The following GPC6 variants were observed in gnomAD, a reference collection of about 807,000 sequenced individuals.
GPC6 encodes the protein glypican 6.
GPC6 carries 14 observed loss-of-function variants against 55.2 expected under a neutral mutation model. That is an observed-to-expected ratio of 0.25 (90% CI 0.17 to 0.40). The LOEUF is 0.40. Among genes scored for constraint, GPC6 ranks in the 10% least tolerant of loss-of-function variants. GPC6 has a pLI of 1.00. For synonymous variants in GPC6, 278 were observed against 259.6 expected, an observed-to-expected ratio of 1.07 and a Z score of -0.68; for missense variants, 641 against 708.5, an observed-to-expected ratio of 0.90 and a Z score of 1.08.
intron 2 of GPC6, among the ~76,000 whole-genome samples, chr13:93,596,762 G>A (rs1877762178): frequency 6.8e-6 from 1 of 148,036 alleles, no homozygotes; most frequent in Non-Finnish European, 1.5e-5. Context: ...ATATGTATAT[G>A]TGTATATATA....
At chr13:93,738,625 A>G (rs909618664) in intron 2 of GPC6, among the ~76,000 whole-genome samples, 1 of 152,182 alleles carries the variant, frequency 6.6e-6, no homozygotes, top group African/African-American at 2.4e-5. Flanking sequence ...CTTCCATCAC[A>G]CAATAATTCT....
At chr13:93,896,175 T>C (rs1794611740) in intron 3 of GPC6, among the ~76,000 whole-genome samples, 1 of 152,036 alleles carries the variant, frequency 6.6e-6, no homozygotes, top group Non-Finnish European at 1.5e-5. Context: ...CGTACAGCTA[T>C]TATGTGGCCA....
At chr13:94,081,354 C>G (rs1003058292) in intron 4 of GPC6, among the ~76,000 whole-genome samples, 2 of 152,156 alleles carry the variant, frequency 1.3e-5, no homozygotes, top group African/African-American at 4.8e-5. Flanking sequence ...GACATATTAT[C>G]TCTTCAGTTA....
chr13:93,451,424 AGTT>A (rs1878219135), intron 1 of GPC6, among the ~76,000 whole-genome samples: 1 of 152,242 alleles, frequency 6.6e-6, no homozygotes, highest in African/African-American at 2.4e-5. Context: ...GTGGCCCACA[AGTT>A]AATAATGGCT....
intron 3 of GPC6, among the ~76,000 whole-genome samples, chr13:93,991,579 A>C (rs1410498343): frequency 6.6e-6 from 1 of 152,196 alleles, no homozygotes; most frequent in Non-Finnish European, 1.5e-5. Context: ...ACTTATAGGA[A>C]GTTCCATAAA....
chr13:93,960,682 C>T (rs745795003), intron 3 of GPC6, among the ~76,000 whole-genome samples: 16 of 152,014 alleles, frequency 1.1e-4, no homozygotes, highest in Non-Finnish European at 1.9e-4. Flanking sequence ...TTTTTTCCAT[C>T]TCATTTGGTT....
intron 1 of GPC6, among the ~76,000 whole-genome samples, chr13:93,518,280 A>G (rs542106972): frequency 6.6e-6 from 1 of 151,832 alleles, no homozygotes; most frequent in East Asian, 2.0e-4. Flanking sequence ...CGGCTTCCTT[A>G]ATTATTTTCT....
intron 1 of GPC6, among the ~76,000 whole-genome samples, chr13:93,519,971 G>T (rs571932491): frequency 6.6e-6 from 1 of 152,014 alleles, no homozygotes; most frequent in African/African-American, 2.4e-5. Context: ...ACTATTCTCT[G>T]CAAGACTTAT....
intron 3 of GPC6, among the ~76,000 whole-genome samples, chr13:93,962,427 A>T (rs115572787): frequency 0.031 from 4,763 of 151,804 alleles, 227 homozygotes; most frequent in African/African-American, 0.099. Flanking sequence ...ATATATATAT[A>T]TTTTTTTTCT....
At chr13:93,611,974 A>G (rs1332702673) in intron 2 of GPC6, among the ~76,000 whole-genome samples, 1 of 152,194 alleles carries the variant, frequency 6.6e-6, no homozygotes, top group Non-Finnish European at 1.5e-5. Flanking sequence ...AAGGTGACAC[A>G]TCATTGCCAG....
At chr13:93,268,956 G>A (rs577294334) in intron 1 of GPC6, among the ~76,000 whole-genome samples, 2 of 152,146 alleles carry the variant, frequency 1.3e-5, no homozygotes, top group South Asian at 2.1e-4. Context: ...GCTTTGCCAA[G>A]GTCAGAACCT....
intron 3 of GPC6, among the ~76,000 whole-genome samples, chr13:94,009,768 T>C (rs1882167639): frequency 6.6e-6 from 1 of 152,246 alleles, no homozygotes; most frequent in Admixed American, 6.5e-5. Context: ...GAAATGGGAC[T>C]CAGGAAGGCT....
At chr13:93,945,225 C>T (rs1878947619) in intron 3 of GPC6, among the ~76,000 whole-genome samples, 1 of 152,122 alleles carries the variant, frequency 6.6e-6, no homozygotes. Flanking sequence ...CCTATGACTA[C>T]TAATAATATA....
chr13:93,361,382 C>T (rs1881034471), intron 1 of GPC6, among the ~76,000 whole-genome samples: 1 of 152,102 alleles, frequency 6.6e-6, no homozygotes, highest in Non-Finnish European at 1.5e-5. Flanking sequence ...AATTCCTTCC[C>T]ACAAACCCCT....
intron 3 of GPC6, among the ~76,000 whole-genome samples, chr13:94,018,292 CT>C (rs113742518): frequency 1.4e-3 from 201 of 143,634 alleles, no homozygotes; most frequent in Middle Eastern, 3.7e-3. Flanking sequence ...TAGTATAATC[CT>C]TTTTTTTTTT....
At chr13:94,115,056 T>G (rs1042982450) in intron 4 of GPC6, among the ~76,000 whole-genome samples, 13 of 152,116 alleles carry the variant, frequency 8.5e-5, no homozygotes, top group Admixed American at 7.9e-4. Context: ...TAGTTTAAAC[T>G]CAAGGCAGTG....
chr13:93,667,048 T>C (rs1171618192), intron 2 of GPC6, among the ~76,000 whole-genome samples: 1 of 152,174 alleles, frequency 6.6e-6, no homozygotes, highest in Non-Finnish European at 1.5e-5. Context: ...TTTACATGTG[T>C]TCAGTCTGTC....
At chr13:93,414,466 A>G (rs1408696026) in intron 1 of GPC6, among the ~76,000 whole-genome samples, 1 of 152,106 alleles carries the variant, frequency 6.6e-6, no homozygotes, top group Admixed American at 6.6e-5. Flanking sequence ...CAGCAATACG[A>G]TCGTCTGTTT....
At chr13:93,822,963 A>G (rs548967085) in intron 2 of GPC6, among the ~76,000 whole-genome samples, 45 of 151,700 alleles carry the variant, frequency 3.0e-4, no homozygotes, top group African/African-American at 1.1e-3. Context: ...TCCTGGGTTC[A>G]AGCAATTCTC....
Sources: allele counts gnomAD v4.1 joint callset (sites outside exome capture counted in the v4.1 genomes callset), GRCh38; gene constraint gnomAD v4.1.1; transcripts MANE v1.5; gene names NCBI Gene and HGNC (gene_info 2026-07-23, HGNC 2026-07-21).